ROCK1: variants seen among roughly 807,000 people sequenced by gnomAD.
The protein encoded by ROCK1 is rho-associated protein kinase 1.
ROCK1 carries 36 observed loss-of-function variants against 196.8 expected under a neutral mutation model. The ratio of observed to expected loss-of-function variants is 0.18; its 90% CI spans 0.14 to 0.24. The LOEUF (loss-of-function observed/expected upper bound fraction) is 0.24, where lower values mean the gene tolerates loss of function less well. ROCK1 is among the 10% of genes least tolerant of loss of function. ROCK1 has a pLI of 1.00. For synonymous variants in ROCK1, 443 were observed against 515.9 expected, an observed-to-expected ratio of 0.86 and a Z score of 1.91; for missense variants, 920 against 1,562.0, an observed-to-expected ratio of 0.59 and a Z score of 6.93.
intron 18 of ROCK1, among the ~76,000 whole-genome samples, chr18:20,988,242 T>A (rs1244037685): frequency 2.0e-5 from 3 of 152,034 alleles, no homozygotes; most frequent in Non-Finnish European, 4.4e-5. Context: ...ATTTTTGTAT[T>A]TTTCAGTAGA....
chr18:20,947,479 A>C lies in ROCK1; in HGVS notation c.*3905T>G, dbSNP rs2035140101. The C allele has an allele frequency of 6.6e-6, 1 of 152,090 alleles. No individual in the cohort carries two copies. Among genetic ancestry groups the C allele is most frequent in the South Asian group, 2.1e-4 (1 of 4,834 alleles). The allele number at this position is 152,090 out of a possible 1,614,324, so 9.4% of individuals were successfully genotyped here. A position where few individuals can be genotyped will look rare whatever the true frequency, so the allele number is the denominator to read the frequency against. ...GAGCATGGCTTTATATATACATACT[A>C]TCCAACCAGAAATTGATTTGAACAG... On this transcript the variant is annotated 3_prime_UTR_variant, in exon 33 of 33. Coordinates refer to ENST00000399799, the MANE Select transcript of ROCK1 (RefSeq NM_005406.3).
chr18:20,959,101 TATTA>T (rs1395444074), intron 29 of ROCK1, among the ~76,000 whole-genome samples: 1 of 20,998 alleles, frequency 4.8e-5, no homozygotes, highest in Non-Finnish European at 8.1e-5. Flanking sequence ...ATAATATATA[TATTA>T]TATATATATT....
At chr18:21,047,593 A>G (rs1187940498) in intron 4 of ROCK1, among the ~76,000 whole-genome samples, 1 of 152,154 alleles carries the variant, frequency 6.6e-6, no homozygotes, top group Non-Finnish European at 1.5e-5. Flanking sequence ...GGAGATCGAG[A>G]CCATGCTGGC....
chr18:20,991,070 A>T, intron 18 of ROCK1, 106 bp downstream of exon 18: 1 of 878,848 alleles, frequency 1.1e-6, no homozygotes, highest in Non-Finnish European at 1.8e-6. Flanking sequence ...TATAATTTAT[A>T]TTATACTTTC....
rs764882019 is a variant in ROCK1, at chr18:20,991,185, C to T, written c.2134G>A (p.Ala712Thr). The T allele has an allele frequency of 1.3e-6, 2 of 1,597,002 alleles. No individual in the cohort carries two copies. Among genetic ancestry groups the T allele is most frequent in the Admixed American group, 1.8e-5 (1 of 54,820 alleles). The change falls in exon 18 of 33, where the codon GCA becomes ACA. Residue 712 changes from alanine (A) to threonine (T), a missense_variant. Physicochemically the swap from Ala to Thr is moderately conservative, Grantham distance 58. This residue lies in a region of ROCK1 where 520 missense variants were observed against 657.1 expected (regional missense o/e 0.79). Coordinates refer to ENST00000399799, the MANE Select transcript of ROCK1 (RefSeq NM_005406.3). The part of the protein sequence containing the change: ...HQSIEEAKSV[A>T]MCEMEKKLKE... ...TAAAACTGACACTTACCACACATTG[C>T]CACAGACTTTGCCTCTTCAATAGAT...
intron 1 of ROCK1, among the ~76,000 whole-genome samples, chr18:21,087,339 T>C (rs1312323519): frequency 2.0e-5 from 3 of 152,258 alleles, no homozygotes; most frequent in South Asian, 2.1e-4. Flanking sequence ...ACAATAGTTA[T>C]ATGAAATATA....
chr18:21,020,078 C>T, intron 12 of ROCK1, 73 bp downstream of exon 12: 2 of 797,028 alleles, frequency 2.5e-6, no homozygotes, highest in Non-Finnish European at 2.0e-6. Flanking sequence ...CAGATGTTTA[C>T]AGGGTATAAG....
At chr18:21,068,811 A>G (rs947273303) in intron 2 of ROCK1, among the ~76,000 whole-genome samples, 1 of 152,170 alleles carries the variant, frequency 6.6e-6, no homozygotes, top group Non-Finnish European at 1.5e-5. Flanking sequence ...TTGGATATTA[A>G]TCTTCTAACT....
At chr18:20,958,983 T>A (rs1425705703) in intron 29 of ROCK1, among the ~76,000 whole-genome samples, 24 of 88,368 alleles carry the variant, frequency 2.7e-4, no homozygotes, top group African/African-American at 9.3e-4. Context: ...ATATATATAT[T>A]TTATAAAAAA....
chr18:21,089,461 C>A (rs757112243), intron 1 of ROCK1, among the ~76,000 whole-genome samples: 1 of 152,188 alleles, frequency 6.6e-6, no homozygotes, highest in Non-Finnish European at 1.5e-5. Context: ...CTCATATCTG[C>A]GCCTGCATTC....
intron 16 of ROCK1, among the ~76,000 whole-genome samples, chr18:20,997,679 G>A (rs531421561): frequency 6.6e-6 from 1 of 152,252 alleles, no homozygotes; most frequent in South Asian, 2.1e-4. Context: ...AACAGCCACA[G>A]AATATACATT....
chr18:21,109,270 C>T (rs2036729014), intron 1 of ROCK1, among the ~76,000 whole-genome samples: 2 of 151,936 alleles, frequency 1.3e-5, no homozygotes, highest in Admixed American at 1.3e-4. Flanking sequence ...ACTTATATTT[C>T]CTTGTATCCT....
chr18:21,004,678 G>A (rs1434718827), intron 16 of ROCK1, among the ~76,000 whole-genome samples: 1 of 152,126 alleles, frequency 6.6e-6, no homozygotes, highest in Non-Finnish European at 1.5e-5. Context: ...TTTAGAATTG[G>A]AAGGATTTAT....
At chr18:21,000,606 A>T (rs1169866943) in intron 16 of ROCK1, among the ~76,000 whole-genome samples, 1 of 152,218 alleles carries the variant, frequency 6.6e-6, no homozygotes, top group Non-Finnish European at 1.5e-5. Flanking sequence ...TTTACACAGG[A>T]AAGAATAGTC....
Position 20,967,993 on chromosome 18 carries a change from T to C in ROCK1, c.3004-53A>G, listed in dbSNP as rs563338461. 9.3e-6 allele frequency: 12 copies of C among 1,296,328 alleles called. No homozygotes were observed. The East Asian group carries it at 3.2e-4, about 35-fold the overall frequency. 80.3% of individuals were successfully genotyped at this position (1,296,328 alleles called of 1,614,324 possible). A position where few individuals can be genotyped will look rare whatever the true frequency, so the allele number is the denominator to read the frequency against. On this transcript the variant is annotated intron_variant, in intron 25 of 32. Transcript: ENST00000399799. ...ATAGTGTAGTCATCCAATTTAATACTAAAATGTATTTTTTTCTTCAAAATC... is the reference window on the plus strand; with the variant it reads ...ATAGTGTAGTCATCCAATTTAATACCAAAATGTATTTTTTTCTTCAAAATC...
chr18:21,091,589 C>T (rs1428992386), intron 1 of ROCK1, among the ~76,000 whole-genome samples: 1 of 152,020 alleles, frequency 6.6e-6, no homozygotes, highest in African/African-American at 2.4e-5. Context: ...GGTGACAGAG[C>T]GAGATTCCAT....
At chr18:21,066,969 G>C (rs1273467242) in intron 2 of ROCK1, among the ~76,000 whole-genome samples, 1 of 152,134 alleles carries the variant, frequency 6.6e-6, no homozygotes, top group Non-Finnish European at 1.5e-5. Flanking sequence ...GGGTCATATA[G>C]TAAAGTGCAT....
chr18:20,957,806 TA>T (rs35473579), intron 29 of ROCK1, among the ~76,000 whole-genome samples: 2,064 of 134,270 alleles, frequency 0.015, 8 homozygotes, highest in African/African-American at 0.037. Flanking sequence ...CTTCATAAAT[TA>T]AAAAAAAAAA....
At chr18:21,003,671 T>C (rs1373496349) in intron 16 of ROCK1, among the ~76,000 whole-genome samples, 2 of 152,204 alleles carry the variant, frequency 1.3e-5, no homozygotes, top group Admixed American at 6.5e-5. Flanking sequence ...GGCTACCAAA[T>C]GAAGGTTTTT....
Sources: gnomAD v4.1 joint callset for allele counts (sites outside exome capture counted in the v4.1 genomes callset) on GRCh38, gnomAD v4.1.1 for gene constraint, gnomAD v4.1.1 regional missense constraint, MANE v1.5 for transcripts, NCBI Gene and HGNC (gene_info 2026-07-23, HGNC 2026-07-21) for gene names.